EYS: variants seen among roughly 807,000 people sequenced by gnomAD.
EYS encodes the protein protein eyes shut homolog.
Under a neutral mutation model 282.1 loss-of-function variants are expected in EYS, and 250 were observed. That is an observed-to-expected ratio of 0.89 (90% CI 0.80 to 0.98). EYS has a LOEUF of 0.98. Ranked by LOEUF, EYS falls within the 50% of genes least tolerant of loss-of-function variation. The pLI is 0.00. For synonymous variants in EYS, 1,355 were observed against 1,282.9 expected (o/e 1.06, Z -1.20); for missense variants, 4,016 against 3,709.0 (o/e 1.08, Z -2.15).
intron 13 of EYS, among the ~76,000 whole-genome samples, chr6:65,031,134 T>A (rs9354208): frequency 0.072 from 10,051 of 140,260 alleles, 436 homozygotes; most frequent in East Asian, 0.13. Flanking sequence ...ATATATAATA[T>A]TTTATATTTT....
intron 29 of EYS, among the ~76,000 whole-genome samples, chr6:64,326,535 G>T (rs556797833): frequency 3.9e-5 from 6 of 152,258 alleles, no homozygotes; most frequent in Non-Finnish European, 5.9e-5. Context: ...CAAATGTCTG[G>T]CTGAGCCAGT....
chr6:64,708,366 C>T (rs1017741844), intron 22 of EYS, among the ~76,000 whole-genome samples: 1 of 152,212 alleles, frequency 6.6e-6, no homozygotes, highest in Non-Finnish European at 1.5e-5. Flanking sequence ...GTTTACCTCT[C>T]TTATTAAATA....
intron 36 of EYS, among the ~76,000 whole-genome samples, chr6:63,858,645 C>A (rs1772454344): frequency 6.6e-6 from 1 of 152,124 alleles, no homozygotes; most frequent in African/African-American, 2.4e-5. Context: ...CTCCTTGCTC[C>A]TGTCTGGGAT....
chr6:64,198,809 T>C (rs1326969645), intron 31 of EYS, among the ~76,000 whole-genome samples: 1 of 152,158 alleles, frequency 6.6e-6, no homozygotes, highest in Non-Finnish European at 1.5e-5. Flanking sequence ...GTCTTTATAG[T>C]AGAATGATTT....
At chr6:65,547,566 T>C (rs1482371157) in intron 2 of EYS, among the ~76,000 whole-genome samples, 1 of 152,164 alleles carries the variant, frequency 6.6e-6, no homozygotes, top group Non-Finnish European at 1.5e-5. Context: ...ATATAGTGTC[T>C]GTATTGTATT....
chr6:64,163,008 A>T (rs1426897664), intron 31 of EYS, among the ~76,000 whole-genome samples: 1 of 152,118 alleles, frequency 6.6e-6, no homozygotes, highest in Non-Finnish European at 1.5e-5. Context: ...GGAAAAAGAC[A>T]TACTGTCTCT....
chr6:65,502,322 T>C (rs1007814926), intron 2 of EYS, among the ~76,000 whole-genome samples: 2 of 151,744 alleles, frequency 1.3e-5, no homozygotes, highest in African/African-American at 4.8e-5. Context: ...CTCAAAGAAG[T>C]TGAAAAATTA....
intron 31 of EYS, among the ~76,000 whole-genome samples, chr6:64,225,059 C>G (rs1341651897): frequency 1.3e-5 from 2 of 152,016 alleles, no homozygotes; most frequent in Non-Finnish European, 2.9e-5. Context: ...CAGAACATGG[C>G]ACATGTCCAG....
rs186106274 is a variant in EYS, at chr6:64,330,699, G to T, written c.6079-23617C>A. Among the ~76,000 whole-genome samples, 279 of 152,266 alleles carry T rather than the reference G, an allele frequency of 1.8e-3. 1 individual carries two copies. The highest frequency in any genetic ancestry group is 6.2e-3 in the African/African-American group (258 of 41,558). ...GCAAGATGCTAACAAGCTCACATTT[G>T]GACAAAGGTTAATAATTTGCGTGCC... On this transcript the variant is annotated intron_variant, in intron 29 of 42. Transcript: ENST00000503581.
intron 12 of EYS, among the ~76,000 whole-genome samples, chr6:65,072,796 C>T (rs528036003): frequency 4.7e-5 from 7 of 149,204 alleles, no homozygotes; most frequent in Admixed American, 2.7e-4. Flanking sequence ...ACAATAATTA[C>T]GTAAGATAAT....
intron 12 of EYS, among the ~76,000 whole-genome samples, chr6:65,154,261 G>A (rs1764682988): frequency 6.6e-6 from 1 of 151,362 alleles, no homozygotes; most frequent in Non-Finnish European, 1.5e-5. Flanking sequence ...CAGGTGAAAG[G>A]AAGAATAAAC....
chr6:64,667,006 G>A (rs1416127144), intron 22 of EYS, among the ~76,000 whole-genome samples: 1 of 151,830 alleles, frequency 6.6e-6, no homozygotes, highest in Non-Finnish European at 1.5e-5. Context: ...ATGGCATTTA[G>A]GGAAAGGAGC....
chr6:64,710,311 C>A (rs980387211), intron 22 of EYS, among the ~76,000 whole-genome samples: 1 of 152,148 alleles, frequency 6.6e-6, no homozygotes, highest in Non-Finnish European at 1.5e-5. Context: ...ACCCTGTATC[C>A]ACTCTTAAAA....
chr6:64,909,485 C>T (rs1308695272), intron 16 of EYS, among the ~76,000 whole-genome samples: 1 of 152,072 alleles, frequency 6.6e-6, no homozygotes, highest in African/African-American at 2.4e-5. Context: ...GATATTGTGC[C>T]TATTTTCTTA....
At chr6:65,115,775 TA>T (rs1775352447) in intron 12 of EYS, among the ~76,000 whole-genome samples, 1 of 142,108 alleles carries the variant, frequency 7.0e-6, no homozygotes, top group South Asian at 2.1e-4. Flanking sequence ...ATAAAAGACA[TA>T]GATTAGATTT....
chr6:64,251,519 T>G (rs1767216234), intron 30 of EYS, among the ~76,000 whole-genome samples: 1 of 152,170 alleles, frequency 6.6e-6, no homozygotes. Context: ...TGAGGCACAG[T>G]ACAAGGGAGA....
chr6:65,094,181 T>C (rs1449833979), intron 12 of EYS, among the ~76,000 whole-genome samples: 3 of 151,176 alleles, frequency 2.0e-5, no homozygotes, highest in African/African-American at 7.3e-5. Context: ...ATTACAAATA[T>C]ATAGGCACCC....
chr6:65,686,617 C>T (rs1051553983), intron 1 of EYS, among the ~76,000 whole-genome samples: 10 of 152,006 alleles, frequency 6.6e-5, no homozygotes, highest in Non-Finnish European at 1.3e-4. Context: ...AAACAAACTA[C>T]AAAATGAAAG....
chr6:64,894,166 C>T (rs1767379526), intron 18 of EYS, among the ~76,000 whole-genome samples: 1 of 151,922 alleles, frequency 6.6e-6, no homozygotes, highest in Non-Finnish European at 1.5e-5. Context: ...GATTAAGTTG[C>T]ATTGCATTTG....
Sources: gnomAD v4.1 joint callset for allele counts (sites outside exome capture counted in the v4.1 genomes callset) on GRCh38, gnomAD v4.1.1 for gene constraint, MANE v1.5 for transcripts, NCBI Gene and HGNC (gene_info 2026-07-23, HGNC 2026-07-21) for gene names.